Variants in NDC1 observed in about 807,000 individuals in gnomAD.
NDC1 encodes nucleoporin NDC1.
Under a neutral mutation model 89.8 loss-of-function variants are expected in NDC1, and 24 were observed. The observed-to-expected ratio is 0.27, with a 90% confidence interval of 0.19 to 0.38. NDC1 has a LOEUF of 0.38. NDC1 is among the 10% of genes least tolerant of loss of function. The probability of loss-of-function intolerance (pLI) is 1.00; values close to 1 mark genes in which losing one functional copy is unlikely to be tolerated. For missense variants in NDC1, 728 were observed against 797.6 expected, an observed-to-expected ratio of 0.91 and a Z score of 1.05; for synonymous variants, 296 against 284.8, an observed-to-expected ratio of 1.04 and a Z score of -0.39.
At chr1:53,781,968 T>C (rs1053849107) in intron 16 of NDC1, among the ~76,000 whole-genome samples, 1 of 152,216 alleles carries the variant, frequency 6.6e-6, no homozygotes, top group Non-Finnish European at 1.5e-5. Flanking sequence ...CCAGGTACTA[T>C]ATCAGATGAT....
intron 16 of NDC1, among the ~76,000 whole-genome samples, chr1:53,779,944 T>C (rs941529059): frequency 6.6e-6 from 1 of 151,984 alleles, no homozygotes; most frequent in Non-Finnish European, 1.5e-5. Context: ...TTTCCCCCAT[T>C]CCTCCTTCCA....
intron 16 of NDC1, among the ~76,000 whole-genome samples, chr1:53,781,043 A>G (rs1474387751): frequency 6.6e-6 from 1 of 151,916 alleles, no homozygotes; most frequent in Non-Finnish European, 1.5e-5. Flanking sequence ...TTTTTTATAG[A>G]CACTGTCTCA....
intron 13 of NDC1, among the ~76,000 whole-genome samples, chr1:53,795,139 C>T (rs926991605): frequency 6.6e-6 from 1 of 152,120 alleles, no homozygotes; most frequent in Non-Finnish European, 1.5e-5. Context: ...TCAGCAGCAT[C>T]TGACACTCCC....
At chr1:53,826,894 A>C (rs1287061050) in intron 4 of NDC1, among the ~76,000 whole-genome samples, 1 of 152,194 alleles carries the variant, frequency 6.6e-6, no homozygotes, top group African/African-American at 2.4e-5. Flanking sequence ...TCATCAGGAA[A>C]TATATTTGTA....
intron 13 of NDC1, among the ~76,000 whole-genome samples, chr1:53,796,381 C>T (rs561091324): frequency 2.0e-5 from 3 of 152,140 alleles, no homozygotes; most frequent in Non-Finnish European, 4.4e-5. Context: ...GATTTCCCCT[C>T]ACTCGAATGT....
intron 6 of NDC1, among the ~76,000 whole-genome samples, chr1:53,810,602 T>C (rs1478735905): frequency 6.6e-6 from 1 of 152,176 alleles, no homozygotes; most frequent in African/African-American, 2.4e-5. Flanking sequence ...CTGTATGTAG[T>C]AGGTCAATAC....
intron 16 of NDC1, among the ~76,000 whole-genome samples, chr1:53,784,974 G>A (rs543390211): frequency 1.7e-3 from 256 of 151,242 alleles, no homozygotes; most frequent in Middle Eastern, 0.01. Flanking sequence ...AAAAAAAAGC[G>A]GGGGAGGGAT....
intron 6 of NDC1, among the ~76,000 whole-genome samples, chr1:53,811,839 C>G (rs1648317652): frequency 1.3e-5 from 2 of 152,124 alleles, no homozygotes; most frequent in South Asian, 2.1e-4. Flanking sequence ...AGCTAAGAAC[C>G]CTCATGGAGT....
intron 16 of NDC1, among the ~76,000 whole-genome samples, chr1:53,774,124 T>C (rs1647142269): frequency 6.6e-6 from 1 of 152,214 alleles, no homozygotes; most frequent in Admixed American, 6.5e-5. Context: ...ATTTAAGTAT[T>C]ATAAAATACC....
At chr1:53,805,888 C>CA (rs1227594604) in intron 9 of NDC1, among the ~76,000 whole-genome samples, 2 of 152,252 alleles carry the variant, frequency 1.3e-5, no homozygotes, top group African/African-American at 2.4e-5. Flanking sequence ...TCCTGGCTAA[C>CA]ACGGTGAAAC....
intron 5 of NDC1, among the ~76,000 whole-genome samples, chr1:53,823,229 G>T (rs527798272): frequency 6.6e-6 from 1 of 152,034 alleles, no homozygotes; most frequent in Non-Finnish European, 1.5e-5. Context: ...ACCATCCCCA[G>T]GCTGGAGAAC....
chr1:53,785,796 C>CAG (rs1647288580), intron 16 of NDC1, among the ~76,000 whole-genome samples: 1 of 152,074 alleles, frequency 6.6e-6, no homozygotes, highest in South Asian at 2.1e-4. Flanking sequence ...GGCTTCTCTT[C>CAG]ATATCTTAAA....
chr1:53,826,062 A>G (rs970528378), intron 4 of NDC1, 126 bp from the exon 5 acceptor site: 2 of 911,982 alleles, frequency 2.2e-6, no homozygotes, highest in African/African-American at 3.5e-5. Context: ...AAATTCTAAC[A>G]AGATGGCTCG....
chr1:53,835,529 T>C lies in NDC1; in HGVS notation c.149A>G (p.Asp50Gly). The C allele has an allele frequency of 3.7e-6, 6 of 1,613,638 alleles. No homozygotes were observed. Among genetic ancestry groups the C allele is most frequent in the Non-Finnish European group, 5.1e-6 (6 of 1,179,780 alleles). Reference protein sequence around the residue: ...TTVFIIFSRIDLFHPIQWLSD... With the variant: ...TTVFIIFSRIGLFHPIQWLSD... ...CAGCCACTGTATAGGATGAAACAAA[T>C]CAATCCTGCTGAAAATTATAAATAC... is the stretch of plus-strand genomic sequence containing the variant. The change falls in exon 2 of 18, where the codon GAT becomes GGT. Residue 50 changes from aspartate to glycine, a missense_variant. Coordinates refer to ENST00000371429, the MANE Select transcript of NDC1 (RefSeq NM_018087.5).
At position 53,796,902 on chromosome 1, in the gene NDC1, A is replaced by C. The variant is rs762296132; in HGVS notation, c.1465T>G (p.Ser489Ala). The part of the protein sequence containing the change: ...RRGPRLWTSA[S>A]DQQMTEFSNP... ...TTAAAAAATATATAATTCTCACCAG[A>C]AGCTGATGTCCACAATCTTGGCCCC... is the stretch of plus-strand genomic sequence containing the variant. Residue 489 changes from serine to alanine, a missense_variant, in exon 12 of 18, where the codon TCT becomes GCT. Physicochemically the swap from Ser to Ala is moderately conservative, Grantham distance 99 (BLOSUM62 1). Coordinates refer to ENST00000371429, the MANE Select transcript of NDC1 (RefSeq NM_018087.5). The C allele has an allele frequency of 6.2e-7, 1 of 1,613,706 alleles. No individual in the cohort carries two copies. The highest frequency in any genetic ancestry group is 8.5e-7 in the Non-Finnish European group (1 of 1,179,922).
chr1:53,828,491 G>T (rs1056005210), intron 3 of NDC1, among the ~76,000 whole-genome samples: 6 of 151,142 alleles, frequency 4.0e-5, no homozygotes, highest in African/African-American at 1.5e-4. Flanking sequence ...CACCATAAAA[G>T]AATAATGATT....
intron 5 of NDC1, among the ~76,000 whole-genome samples, chr1:53,819,644 C>T (rs1288944074): frequency 6.6e-6 from 1 of 152,228 alleles, no homozygotes; most frequent in Admixed American, 6.5e-5. Flanking sequence ...TGCCTTTGCA[C>T]TGAATTTTTA....
At chr1:53,816,199 T>C (rs563611709) in intron 6 of NDC1, among the ~76,000 whole-genome samples, 3 of 152,314 alleles carry the variant, frequency 2.0e-5, no homozygotes, top group African/African-American at 7.2e-5. Flanking sequence ...TTTCAAACTA[T>C]ACTATAAAGC....
intron 4 of NDC1, among the ~76,000 whole-genome samples, chr1:53,826,182 A>T (rs1648855671): frequency 6.6e-6 from 1 of 152,238 alleles, no homozygotes; most frequent in Non-Finnish European, 1.5e-5. Context: ...ATGATTAAGT[A>T]TATCTACCAT....
Sources: gnomAD v4.1 joint callset for allele counts (sites outside exome capture counted in the v4.1 genomes callset) on GRCh38, gnomAD v4.1.1 for gene constraint, MANE v1.5 for transcripts, NCBI Gene and HGNC (gene_info 2026-07-23, HGNC 2026-07-21) for gene names.